TMEM132A: variants seen among roughly 807,000 people sequenced by gnomAD.
The protein encoded by TMEM132A is GRP78-binding protein.
A neutral mutation model predicts 69.9 loss-of-function variants in TMEM132A; 48 were observed. That is an observed-to-expected ratio of 0.69 (90% CI 0.55 to 0.87). The LOEUF is 0.87. Among genes scored for constraint, TMEM132A ranks in the 40% least tolerant of loss-of-function variants. The probability of loss-of-function intolerance (pLI) is 0.00; values close to 1 mark genes in which losing one functional copy is unlikely to be tolerated. For missense variants in TMEM132A, 1,287 were observed against 1,407.2 expected (o/e 0.91, Z 1.37); for synonymous variants, 577 against 613.7 (o/e 0.94, Z 0.88).
chr11:60,931,967 C>G lies in TMEM132A; in HGVS notation c.1213-17C>G. On this transcript the variant is annotated splice_polypyrimidine_tract_variant and intron_variant, in intron 6 of 10. Coordinates refer to ENST00000453848, the MANE Select transcript of TMEM132A (RefSeq NM_178031.3). ...TGAGCTGAGGGGCCTGGGGCTGAGC[C>G]CCTCCTCCACCCCCAGGCTGAGGAG... The G allele has an allele frequency of 6.2e-7, 1 of 1,611,258 alleles. No homozygotes were observed. Among genetic ancestry groups the G allele is most frequent in the South Asian group, 1.1e-5 (1 of 90,894 alleles).
chr11:60,935,722 TCTCC>T lies in TMEM132A; in HGVS notation c.2029-139_2029-136del. 1 of 1,031,248 alleles carries T rather than the reference TCTCC, an allele frequency of 9.7e-7. No individual in the cohort carries two copies. Among genetic ancestry groups the T allele is most frequent in the South Asian group, 1.5e-5 (1 of 65,600 alleles). The allele number at this position is 1,031,248 out of a possible 1,614,324, so 63.9% of individuals were successfully genotyped here. A position where few individuals can be genotyped will look rare whatever the true frequency, so the allele number is the denominator to read the frequency against. On this transcript the variant is annotated intron_variant, in intron 10 of 10. Coordinates refer to ENST00000453848, the MANE Select transcript of TMEM132A (RefSeq NM_178031.3). The surrounding 1 kb of genome is among the most constrained non-coding windows in gnomAD (Gnocchi z 5.0). ...ACAGGTGATTGACACGCGTCCCCTC[TCTCC>T]CTGTGTTTTGTCTATCTGCCTGTGT...
rs957780677 is a variant in TMEM132A at position 60,934,835 on chromosome 11, G to A, written c.1836+71G>A. The A allele has an allele frequency of 4.8e-6, 7 of 1,473,038 alleles. No homozygotes were observed. The African/African-American group carries it at 5.6e-5, about 12-fold the overall frequency. The allele number at this position is 1,473,038 out of a possible 1,614,324, so 91.2% of individuals were successfully genotyped here. On this transcript the variant is annotated intron_variant, in intron 9 of 10. Transcript: ENST00000453848. ...AGGGGCCCCCAAAATGTTCGTGGGT[G>A]GGAGTGAAGAGTGTGCCAGGAGCCC... is the stretch of plus-strand genomic sequence containing the variant.
rs765416128 is a variant in TMEM132A, at chr11:60,928,862, G to A, written c.768G>A (p.Val256=). 6 of 1,612,786 alleles carry A rather than the reference G, an allele frequency of 3.7e-6. No homozygotes were observed. The highest frequency in any genetic ancestry group is 5.1e-6 in the Non-Finnish European group (6 of 1,180,024). ...QYQEVPLDEA[V]TLRVPDMPVR... ...AGGAGGTACCTCTGGACGAGGCTGTGACTCTGCGGGTGCCTGACATGCCAG... is the reference window on the plus strand; with the variant it reads ...AGGAGGTACCTCTGGACGAGGCTGTAACTCTGCGGGTGCCTGACATGCCAG... Residue 256 remains valine (V), a synonymous_variant, in exon 4 of 11, where the codon GTG becomes GTA. Coordinates refer to ENST00000453848, the MANE Select transcript of TMEM132A (RefSeq NM_178031.3).
In TMEM132A at chr11:60,936,070, C is replaced by T. The variant is rs111231672; in HGVS notation, c.2235C>T (p.Pro745=). ...CGCTGCATGTGGCTCTGCACCCGCCCGAGCCCTGCCGCCGGGGCCGCCACC... is the reference window on the plus strand; with the variant it reads ...CGCTGCATGTGGCTCTGCACCCGCCTGAGCCCTGCCGCCGGGGCCGCCACC... ...GLPLHVALHP[P]EPCRRGRHRV... is the part of the protein sequence containing the mutation. The change falls in exon 11 of 11, where the codon CCC becomes CCT. Residue 745 remains proline, a synonymous_variant. Coordinates refer to ENST00000453848, the MANE Select transcript of TMEM132A (RefSeq NM_178031.3). 37 of 1,606,892 alleles carry T rather than the reference C, an allele frequency of 2.3e-5. No individual in the cohort carries two copies. The highest frequency in any genetic ancestry group is 1.6e-4 in the African/African-American group (12 of 74,720).
In TMEM132A at chr11:60,936,102, C is replaced by T. The variant is rs1856591697; in HGVS notation, c.2267C>T (p.Pro756Leu). Residue 756 changes from proline (P) to leucine (L), a missense_variant, in exon 11 of 11, where the codon CCT (proline) becomes CTT (leucine). Coordinates refer to ENST00000453848, the MANE Select transcript of TMEM132A (RefSeq NM_178031.3). ...EPCRRGRHRV[P>L]LASGTAWLGL... is the part of the protein sequence containing the mutation. ...TGCCGCCGGGGCCGCCACCGTGTGC[C>T]TCTGGCCTCTGGCACCGCCTGGCTG... 1 of 1,612,532 alleles carries T rather than the reference C, an allele frequency of 6.2e-7. No homozygotes were observed.
chr11:60,934,839 G>A (rs1220426090), intron 9 of TMEM132A, 75 bp downstream of exon 9: 5 of 1,441,176 alleles, frequency 3.5e-6, no homozygotes, highest in South Asian at 2.7e-5. Flanking sequence ...GTGGGTGGGA[G>A]TGAAGAGTGT....
chr11:60,931,971 C>T lies in TMEM132A; in HGVS notation c.1213-13C>T, dbSNP rs1370330671. On this transcript the variant is annotated splice_polypyrimidine_tract_variant and intron_variant, in intron 6 of 10. Transcript: ENST00000453848. ...CTGAGGGGCCTGGGGCTGAGCCCCT[C>T]CTCCACCCCCAGGCTGAGGAGCTGG... 1.2e-6 allele frequency: 2 copies of T among 1,611,088 alleles called. No individual in the cohort carries two copies. Among genetic ancestry groups the T allele is most frequent in the African/African-American group, 1.3e-5 (1 of 74,830 alleles).
intron 1 of TMEM132A, 105 bp from the exon 2 acceptor site, chr11:60,927,099 T>C (rs1856361926): frequency 2.2e-6 from 2 of 919,908 alleles, no homozygotes; most frequent in Non-Finnish European, 3.6e-6. Flanking sequence ...TTTACAGCCC[T>C]TTTCTCCCTC....
In TMEM132A at chr11:60,931,703, C is replaced by T. The variant is rs1185400176; in HGVS notation, c.1031C>T (p.Ser344Phe). The T allele has an allele frequency of 3.1e-6, 5 of 1,613,264 alleles. No individual in the cohort carries two copies. The highest frequency in any genetic ancestry group is 4.2e-6 in the Non-Finnish European group (5 of 1,179,518). Residue 344 changes from serine to phenylalanine, a missense_variant, in exon 6 of 11, where the codon TCT (serine) becomes TTT (phenylalanine). By Grantham distance (155) the Ser-to-Phe change is radical (BLOSUM62 -2). Coordinates refer to ENST00000453848, the MANE Select transcript of TMEM132A (RefSeq NM_178031.3). ...TEPDSSPLEL[S>F]EFLWVDFVVE... ...TTGGCCAGCAGTCCCCTTGAACTGTCTGAGTTCCTATGGGTGGACTTTGTG... is the reference window on the plus strand; with the variant it reads ...TTGGCCAGCAGTCCCCTTGAACTGTTTGAGTTCCTATGGGTGGACTTTGTG...
In TMEM132A at chr11:60,933,624, G is replaced by A. The variant is rs1372225449; in HGVS notation, c.1439G>A (p.Arg480His). 3.7e-6 allele frequency: 6 copies of A among 1,605,564 alleles called. No homozygotes were observed. Among genetic ancestry groups the A allele is most frequent in the South Asian group, 1.1e-5 (1 of 90,794 alleles). Residue 480 changes from arginine (R) to histidine (H), a missense_variant, in exon 8 of 11, where the codon CGC becomes CAC. Coordinates refer to ENST00000453848, the MANE Select transcript of TMEM132A (RefSeq NM_178031.3). ...GGGGTGCGAGTGGACTTCTGGTGGC[G>A]CCGGCTCCGCGCCTCGCTGCGGCTG... ...ARGVRVDFWW[R>H]RLRASLRLTV...
rs966208833 is a variant in TMEM132A, at chr11:60,933,680, A to T, written c.1495A>T (p.Ile499Phe). 1.2e-6 allele frequency: 2 copies of T among 1,604,900 alleles called. No homozygotes were observed. Among genetic ancestry groups the T allele is most frequent in the African/African-American group, 1.3e-5 (1 of 74,946 alleles). The change falls in exon 8 of 11, where the codon ATC (isoleucine) becomes TTC (phenylalanine). Residue 499 changes from isoleucine (I) to phenylalanine (F), a missense_variant. Transcript: ENST00000453848. ...TVWAPLLPLR[I>F]ELTDTTLEQV... is the part of the protein sequence containing the mutation. ...GTGGGCCCCCCTGCTACCGCTGCGTATCGAGCTCACCGACACCACCCTCGA... is the reference window on the plus strand; with the variant it reads ...GTGGGCCCCCCTGCTACCGCTGCGTTTCGAGCTCACCGACACCACCCTCGA...
chr11:60,928,646 CGT>C lies in TMEM132A; in HGVS notation c.554_555del (p.Val185GlyfsTer25). On this transcript the variant is annotated frameshift_variant, in exon 4 of 11. Transcript: ENST00000453848. LOFTEE classifies it high-confidence loss of function. ...CTTCACAGCCATCCCTGGGCGCCTG[CGT>C]GGTGGAGCTGGAGCTTCCCTCGCAC... Reference protein sequence around the residue: ...CRFQPSLGACVVELELPSHWF... With the variant: ...CRFQPSLGACXVELELPSHWF... The C allele has an allele frequency of 1.2e-6, 2 of 1,609,288 alleles. No homozygotes were observed. Among genetic ancestry groups the C allele is most frequent in the Non-Finnish European group, 1.7e-6 (2 of 1,179,928 alleles).
In TMEM132A at chr11:60,935,927, G is replaced by A. The variant is rs761858942; in HGVS notation, c.2092G>A (p.Asp698Asn). 4 of 1,611,748 alleles carry A rather than the reference G, an allele frequency of 2.5e-6. No individual in the cohort carries two copies. The highest frequency in any genetic ancestry group is 1.1e-5 in the South Asian group (1 of 90,990). ...CACTGTGGCCCCAGCTGAGCTCTAC[G>A]ACCGCCGTGACCTGGGACTGTCCGT... ...DHTVAPAELY[D>N]RRDLGLSVSA... Residue 698 changes from aspartate to asparagine, a missense_variant, in exon 11 of 11, where the codon GAC becomes AAC. Coordinates refer to ENST00000453848, the MANE Select transcript of TMEM132A (RefSeq NM_178031.3). This position sits in a 1 kb window ranked among gnomAD's most constrained non-coding sequence, Gnocchi z 5.0.
In TMEM132A at chr11:60,927,407, G is replaced by T; in HGVS notation, c.304G>T (p.Ala102Ser). The T allele has an allele frequency of 6.2e-7, 1 of 1,612,438 alleles. No homozygotes were observed. Among genetic ancestry groups the T allele is most frequent in the Non-Finnish European group, 8.5e-7 (1 of 1,179,382 alleles). ...PLLRASYPPFATQQVVPPRVT... is the reference protein window; with the variant it reads ...PLLRASYPPFSTQQVVPPRVT... ...TCTCCGGGCCTCCTACCCACCTTTT[G>T]CCACTCAGCAGGTAAGGAGGGGGCA... is the stretch of plus-strand genomic sequence containing the variant. The change falls in exon 2 of 11, where the codon GCC (alanine) becomes TCC (serine). Residue 102 changes from alanine to serine, a missense_variant. Coordinates refer to ENST00000453848, the MANE Select transcript of TMEM132A (RefSeq NM_178031.3).
intron 7 of TMEM132A, 53 bp from the exon 8 acceptor site, chr11:60,933,489 C>A: frequency 6.6e-7 from 1 of 1,514,352 alleles, no homozygotes; most frequent in East Asian, 2.3e-5. Context: ...GGCCCAGCCT[C>A]ACACCTGTCT....
In TMEM132A at chr11:60,936,247, C is replaced by A. The variant is rs747741003; in HGVS notation, c.2412C>A (p.Asn804Lys). ...AGGTGGCAGGCAGTGTCGGGGGCAA[C>A]ACAGGTGTGAGGGGCAAGTTTGAGC... The part of the protein sequence containing the change: ...KRQVAGSVGG[N>K]TGVRGKFERA... Residue 804 changes from asparagine (N) to lysine (K), a missense_variant, in exon 11 of 11, where the codon AAC becomes AAA. Transcript: ENST00000453848. 8.1e-6 allele frequency: 13 copies of A among 1,614,054 alleles called. No individual in the cohort carries two copies. Among genetic ancestry groups the A allele is most frequent in the Non-Finnish European group, 1.0e-5 (12 of 1,179,988 alleles).
intron 7 of TMEM132A, 39 bp from the exon 8 acceptor site, chr11:60,933,503 G>A: frequency 6.4e-7 from 1 of 1,564,918 alleles, no homozygotes; most frequent in Non-Finnish European, 8.7e-7. Flanking sequence ...CCTGTCTTTA[G>A]TGGCTTAGCC....
Position 60,928,698 on chromosome 11 carries a change from C to G in TMEM132A, c.604C>G (p.Arg202Gly). Residue 202 changes from arginine to glycine, a missense_variant, in exon 4 of 11, where the codon CGG (arginine) becomes GGG (glycine). By Grantham distance (125) the Arg-to-Gly change is moderately radical. Transcript: ENST00000453848. ...CTGGTTCTCACAGGCCTCCACCACA[C>G]GGGCCGAGCTGGCCTACACGCTTGA... ...SHWFSQASTT[R>G]AELAYTLEPA... 6.2e-7 allele frequency: 1 copy of G among 1,610,814 alleles called. No homozygotes were observed. The highest frequency in any genetic ancestry group is 8.5e-7 in the Non-Finnish European group (1 of 1,179,692).
chr11:60,931,992 G>A lies in TMEM132A; in HGVS notation c.1221G>A (p.Glu407=). The change falls in exon 7 of 11, where the codon GAG becomes GAA. Residue 407 remains glutamate, a synonymous_variant. Coordinates refer to ENST00000453848, the MANE Select transcript of TMEM132A (RefSeq NM_178031.3). ...RALIPLAKAE[E]LVNTAPLTGV... is the part of the protein sequence containing the mutation. ...CCCTCCTCCACCCCCAGGCTGAGGA[G>A]CTGGTGAATACAGCACCACTGACTG... The A allele has an allele frequency of 6.2e-7, 1 of 1,608,186 alleles. No homozygotes were observed. Among genetic ancestry groups the A allele is most frequent in the East Asian group, 2.2e-5 (1 of 44,828 alleles).
Sources: gnomAD v4.1 joint callset for allele counts on GRCh38, gnomAD v4.1.1 for gene constraint, Gnocchi (gnomAD v3.1) non-coding constraint, MANE v1.5 for transcripts, NCBI Gene and HGNC (gene_info 2026-07-23, HGNC 2026-07-21) for gene names.